The following SCN4A variants were observed in gnomAD, a reference collection of about 807,000 sequenced individuals.
SCN4A encodes the protein sodium voltage-gated channel alpha subunit 4, also known as sodium channel protein type 4 subunit alpha.
A neutral mutation model predicts 162.0 loss-of-function variants in SCN4A; 83 were observed. That is an observed-to-expected ratio of 0.51 (90% CI 0.43 to 0.61). The LOEUF is 0.61. Among genes scored for constraint, SCN4A ranks in the 20% least tolerant of loss-of-function variants. SCN4A has a pLI of 0.00. For synonymous variants in SCN4A, 944 were observed against 985.1 expected (o/e 0.96, Z 0.78); for missense variants, 2,196 against 2,462.5 (o/e 0.89, Z 2.29).
Position 63,951,573 on chromosome 17 carries a change from C to G in SCN4A, c.2704G>C (p.Gly902Arg). ...HILNHMGLADGPPSSLELDHL... is the reference protein window; with the variant it reads ...HILNHMGLADRPPSSLELDHL... Reference sequence around the variant, plus strand: ...TCCAGCTCGAGGCTGGATGGGGGGCCGTCAGCCAGGCCCATGTGGTTCAGG... The same window carrying G: ...TCCAGCTCGAGGCTGGATGGGGGGCGGTCAGCCAGGCCCATGTGGTTCAGG... Residue 902 changes from glycine to arginine, a missense_variant, in exon 14 of 24, where the codon GGC becomes CGC. Transcript: ENST00000435607. This position sits in a 1 kb window ranked among gnomAD's most constrained non-coding sequence, Gnocchi z 4.5. The G allele has an allele frequency of 6.2e-7, 1 of 1,613,952 alleles. No individual in the cohort carries two copies. Among genetic ancestry groups the G allele is most frequent in the South Asian group, 1.1e-5 (1 of 91,090 alleles).
At chr17:63,949,662 T>C in intron 14 of SCN4A, 134 bp from the exon 15 acceptor site, 7 of 1,090,358 alleles carry the variant, frequency 6.4e-6, no homozygotes, top group Non-Finnish European at 9.0e-6. Flanking sequence ...CATTCATTCA[T>C]TCATCCAGCC....
chr17:63,944,547 TGCCTGA>T lies in SCN4A; in HGVS notation c.3912+120_3912+125del. 6 of 1,070,448 alleles carry T rather than the reference TGCCTGA, an allele frequency of 5.6e-6. No homozygotes were observed. The highest frequency in any genetic ancestry group is 8.0e-6 in the Non-Finnish European group (6 of 749,646). 66.3% of individuals were successfully genotyped at this position (1,070,448 alleles called of 1,614,324 possible). A position where few individuals can be genotyped will look rare whatever the true frequency, so the allele number is the denominator to read the frequency against. ...TGGTGGGACTGGGACCCAAGCTAGC[TGCCTGA>T]ACCAACAACCTGGTAGGTGCTCAGG... On this transcript the variant is annotated intron_variant, in intron 21 of 23. Transcript: ENST00000435607. This position sits in a 1 kb window ranked among gnomAD's most constrained non-coding sequence, Gnocchi z 4.3.
At chr17:63,946,366 G>T (rs1158557642) in intron 18 of SCN4A, among the ~76,000 whole-genome samples, 1 of 152,190 alleles carries the variant, frequency 6.6e-6, no homozygotes, top group Admixed American at 6.5e-5. Flanking sequence ...CGCTTGGGGG[G>T]GCTCGCCATG....
intron 5 of SCN4A, 65 bp downstream of exon 5, chr17:63,971,097 C>T: frequency 9.4e-7 from 1 of 1,065,274 alleles, no homozygotes; most frequent in South Asian, 1.3e-5. Flanking sequence ...GAGTCAGGTT[C>T]CAGGCCTGCA....
In SCN4A at chr17:63,945,864, G is replaced by A. The variant is rs1156234451; in HGVS notation, c.3442-226C>T. Among the ~76,000 whole-genome samples the A allele has an allele frequency of 6.6e-6, 1 of 152,060 alleles. No homozygotes were observed. The highest frequency in any genetic ancestry group is 1.5e-5 in the Non-Finnish European group (1 of 67,978). On this transcript the variant is annotated intron_variant, in intron 18 of 23. Coordinates refer to ENST00000435607, the MANE Select transcript of SCN4A (RefSeq NM_000334.4). The surrounding 1 kb of genome is among the most constrained non-coding windows in gnomAD (Gnocchi z 4.4). ...GTCAAGAGGGCTCTCTGCTTGACTGGAGCCATCAGCCCAGAGTAGGGGTGC... is the reference window on the plus strand; with the variant it reads ...GTCAAGAGGGCTCTCTGCTTGACTGAAGCCATCAGCCCAGAGTAGGGGTGC...
rs765336159 is a variant in SCN4A, at chr17:63,948,778, G to A, written c.2990-13C>T. On this transcript the variant is annotated splice_polypyrimidine_tract_variant and intron_variant, in intron 15 of 23. Coordinates refer to ENST00000435607, the MANE Select transcript of SCN4A (RefSeq NM_000334.4). ...CGCTGCACGCAGGCTGATGGGGTGA[G>A]GGGGGACAGGGACAGGCACCACATC... 1 of 1,588,242 alleles carries A rather than the reference G, an allele frequency of 6.3e-7. No homozygotes were observed. The highest frequency in any genetic ancestry group is 8.6e-7 in the Non-Finnish European group (1 of 1,163,704).
chr17:63,969,434 G>A (rs879334762), intron 5 of SCN4A, among the ~76,000 whole-genome samples: 21 of 152,066 alleles, frequency 1.4e-4, no homozygotes, highest in African/African-American at 4.3e-4. Flanking sequence ...ACAAATGCTC[G>A]GCAGCCTCCT....
At position 63,968,097 on chromosome 17, in the gene SCN4A, T is replaced by C. The variant is rs1049880685; in HGVS notation, c.962A>G (p.Asn321Ser). 1 of 1,613,970 alleles carries C rather than the reference T, an allele frequency of 6.2e-7. No individual in the cohort carries two copies. Among genetic ancestry groups the C allele is most frequent in the Middle Eastern group, 1.6e-4 (1 of 6,062 alleles). The change falls in exon 6 of 24, where the codon AAC (asparagine) becomes AGC (serine). Residue 321 changes from asparagine to serine, a missense_variant. Transcript: ENST00000435607. ...MWYGNDSWYA[N>S]DTWNSHASWA... ...GCTTGCATGGCTGTTCCACGTGTCGTTGGCATACCATGAGTCATTGCCGTA... is the reference window on the plus strand; with the variant it reads ...GCTTGCATGGCTGTTCCACGTGTCGCTGGCATACCATGAGTCATTGCCGTA...
At chr17:63,959,484 G>C in intron 11 of SCN4A, 46 bp from the exon 12 acceptor site, 1 of 1,583,504 alleles carries the variant, frequency 6.3e-7, no homozygotes, top group East Asian at 2.3e-5. Context: ...GGGGAGCCCA[G>C]GGCCCTGGAA....
intron 15 of SCN4A, among the ~76,000 whole-genome samples, chr17:63,948,996 C>T (rs947722301): frequency 6.6e-6 from 1 of 152,218 alleles, no homozygotes; most frequent in Non-Finnish European, 1.5e-5. Context: ...GATGGGCATG[C>T]AGAGGAAAGG....
At chr17:63,971,913 A>G in intron 3 of SCN4A, 63 bp from the exon 4 acceptor site, 1 of 1,544,274 alleles carries the variant, frequency 6.5e-7, no homozygotes, top group African/African-American at 1.4e-5. Flanking sequence ...TGTGGCAACG[A>G]CAGACCCCCA....
chr17:63,957,507 G>A lies in SCN4A; in HGVS notation c.2031C>T (p.Phe677=). 1 of 1,610,502 alleles carries A rather than the reference G, an allele frequency of 6.2e-7. No individual in the cohort carries two copies. The highest frequency in any genetic ancestry group is 8.5e-7 in the Non-Finnish European group (1 of 1,177,068). ...GCGTTGGCCACGACTTGGCCAGCTT[G>A]AAGACCCGCAGCTGCCAAGCAGGGA... The part of the protein sequence containing the change: ...VLRSFRLLRV[F]KLAKSWPTLN... The change falls in exon 13 of 24, where the codon TTC becomes TTT. Residue 677 remains phenylalanine (F), a synonymous_variant. Coordinates refer to ENST00000435607, the MANE Select transcript of SCN4A (RefSeq NM_000334.4).
Position 63,950,041 on chromosome 17 carries a change from C to T in SCN4A, c.2854-513G>A, listed in dbSNP as rs1047790684. On this transcript the variant is annotated intron_variant, in intron 14 of 23. Transcript: ENST00000435607. This position sits in a 1 kb window ranked among gnomAD's most constrained non-coding sequence, Gnocchi z 4.6. ...ATGTTCCCCAGCCAAAGCCTCCATCCAGTGCCAAGGGAACCTGATCAGTGT... is the reference window on the plus strand; with the variant it reads ...ATGTTCCCCAGCCAAAGCCTCCATCTAGTGCCAAGGGAACCTGATCAGTGT... Among the ~76,000 whole-genome samples, 10 of 152,130 alleles carry T rather than the reference C, an allele frequency of 6.6e-5. No individual in the cohort carries two copies. Among genetic ancestry groups the T allele is most frequent in the Non-Finnish European group, 2.9e-5 (2 of 68,016 alleles).
intron 15 of SCN4A, 133 bp downstream of exon 15, chr17:63,949,260 C>T (rs1256041623): frequency 7.3e-6 from 7 of 953,434 alleles, no homozygotes; most frequent in Non-Finnish European, 1.1e-5. Flanking sequence ...ACTGCCACCA[C>T]CCCTAGACAC....
At chr17:63,962,238 GC>G (rs1399403145) in intron 10 of SCN4A, among the ~76,000 whole-genome samples, 4 of 152,204 alleles carry the variant, frequency 2.6e-5, no homozygotes, top group Non-Finnish European at 5.9e-5. Flanking sequence ...TTGGGTTCCA[GC>G]CCCATGAGCT....
chr17:63,961,305 G>A lies in SCN4A; in HGVS notation c.1733C>T (p.Pro578Leu), dbSNP rs1370498653. 3.1e-6 allele frequency: 5 copies of A among 1,613,674 alleles called. No individual in the cohort carries two copies. The South Asian group carries it at 3.3e-5, about 11-fold the overall frequency. ...KNIIHLIVMD[P>L]FVDLGITICI... Reference sequence around the variant, plus strand: ...GATGGTGATGCCCAGGTCCACGAACGGGTCCATGACGATCAGGTGGATGAT... The same window carrying A: ...GATGGTGATGCCCAGGTCCACGAACAGGTCCATGACGATCAGGTGGATGAT... The change falls in exon 11 of 24, where the codon CCG (proline) becomes CTG (leucine). Residue 578 changes from proline to leucine, a missense_variant. By Grantham distance (98) the Pro-to-Leu change is moderately conservative (BLOSUM62 -3). Coordinates refer to ENST00000435607, the MANE Select transcript of SCN4A (RefSeq NM_000334.4).
chr17:63,949,037 AC>A (rs1349511568), intron 15 of SCN4A, among the ~76,000 whole-genome samples: 2 of 147,476 alleles, frequency 1.4e-5, no homozygotes, highest in African/African-American at 2.5e-5. Context: ...GTGCTGCCCC[AC>A]CCCCCACCTC....
In SCN4A at chr17:63,961,178, C is replaced by G. The variant is rs768160515; in HGVS notation, c.1845+15G>C. 1.7e-6 allele frequency: 2 copies of G among 1,184,338 alleles called. No individual in the cohort carries two copies. The highest frequency in any genetic ancestry group is 2.5e-6 in the Non-Finnish European group (2 of 805,616). 73.4% of individuals were successfully genotyped at this position (1,184,338 alleles called of 1,614,324 possible). ...ATCCTGCCCATGAATGATCCCCTCC[C>G]CCGCCCCTCCCTACCAGGTTGCCCA... On this transcript the variant is annotated intron_variant, in intron 11 of 23. Transcript: ENST00000435607.
chr17:63,945,272 A>G lies in SCN4A; in HGVS notation c.3720+88T>C. The G allele has an allele frequency of 8.2e-7, 1 of 1,226,504 alleles. No individual in the cohort carries two copies. The highest frequency in any genetic ancestry group is 1.2e-6 in the Non-Finnish European group (1 of 857,950). 76.0% of individuals were successfully genotyped at this position (1,226,504 alleles called of 1,614,324 possible). Reference sequence around the variant, plus strand: ...CAGGGTGGGCGGTCCCCTAACCAGGAGTGACACTGGGGTTGGGTACAACGA... The same window carrying G: ...CAGGGTGGGCGGTCCCCTAACCAGGGGTGACACTGGGGTTGGGTACAACGA... On this transcript the variant is annotated intron_variant, in intron 19 of 23. Coordinates refer to ENST00000435607, the MANE Select transcript of SCN4A (RefSeq NM_000334.4). This position sits in a 1 kb window ranked among gnomAD's most constrained non-coding sequence, Gnocchi z 4.4.
Sources: gnomAD v4.1 joint callset for allele counts (sites outside exome capture counted in the v4.1 genomes callset) on GRCh38, gnomAD v4.1.1 for gene constraint, Gnocchi (gnomAD v3.1) non-coding constraint, MANE v1.5 for transcripts, NCBI Gene and HGNC (gene_info 2026-07-23, HGNC 2026-07-21) for gene names.